The following NALF2 variants were observed in gnomAD, a reference collection of about 807,000 sequenced individuals.
NALF2 encodes the protein NALCN channel auxiliary factor 2, also known as bB57D9.1 (TED protein).
NALF2 carries 1 observed loss-of-function variant against 24.8 expected under a neutral mutation model. The ratio of observed to expected loss-of-function variants is 0.04; its 90% CI spans 0.01 to 0.19. The LOEUF (loss-of-function observed/expected upper bound fraction) is 0.19. NALF2 is among the 10% of genes least tolerant of loss of function. The pLI, the probability that NALF2 is intolerant of heterozygous loss-of-function variation, is 1.00. For synonymous variants in NALF2, 254 were observed against 189.8 expected (o/e 1.34, Z -2.78); for missense variants, 458 against 409.6 (o/e 1.12, Z -1.02).
intron 1 of NALF2, among the ~76,000 whole-genome samples, chrX:69,525,817 A>C (rs1930799533): frequency 2.0e-5 from 2 of 100,558 alleles, no homozygotes; most frequent in Admixed American, 2.2e-4. Flanking sequence ...ACCATTCCTT[A>C]CCCTCTCTTT....
In NALF2 at chrX:69,529,919, T is replaced by C. The variant is rs767549073; in HGVS notation, c.1382T>C (p.Leu461Pro). 2 of 1,207,030 alleles carry C rather than the reference T, an allele frequency of 1.7e-6. No individual in the cohort carries two copies. The highest frequency in any genetic ancestry group is 2.2e-5 in the Admixed American group (1 of 45,723). ...QGGGGLGLET[L>P]PALEEGLTRE... ...GGTGGGGGATTGGGGCTGGAGACAC[T>C]GCCTGCCCTAGAGGAGGGCCTGACA... The change falls in exon 3 of 3, where the codon CTG becomes CCG. Residue 461 changes from leucine to proline, a missense_variant. By Grantham distance (98) the Leu-to-Pro change is moderately conservative. Transcript: ENST00000252338.
rs1315455226 is a variant in NALF2, at chrX:69,530,789, G to A, written c.*833G>A. The A allele has an allele frequency of 1.8e-5, 2 of 112,651 alleles. No homozygotes were observed. The highest frequency in any genetic ancestry group is 6.5e-5 in the African/African-American group (2 of 30,852). 9.3% of individuals were successfully genotyped at this position (112,651 alleles called of 1,213,427 possible). On this transcript the variant is annotated 3_prime_UTR_variant, in exon 3 of 3. Coordinates refer to ENST00000252338, the MANE Select transcript of NALF2 (RefSeq NM_015686.3). ...GCATTAGGAGCCCTCTGGGGAAAGA[G>A]CACAGGAACTGAGTTGCTGGGCCTC...
chrX:69,506,919 G>A (rs1294225687), intron 1 of NALF2, among the ~76,000 whole-genome samples: 1 of 112,557 alleles, frequency 8.9e-6, no homozygotes, highest in Non-Finnish European at 1.9e-5. Context: ...GTATCCAGAG[G>A]AGAGGTGAGG....
chrX:69,529,123 A>C lies in NALF2; in HGVS notation c.992A>C (p.Glu331Ala). 1 of 1,210,534 alleles carries C rather than the reference A, an allele frequency of 8.3e-7. No homozygotes were observed. Among genetic ancestry groups the C allele is most frequent in the Non-Finnish European group, 1.1e-6 (1 of 894,964 alleles). ...TGCCCCTTTATACTCCCCGACAATG[A>C]GGAAATGGTGTACGGAGGGCTCCCT... Reference protein sequence around the residue: ...TRCPFILPDNEEMVYGGLPGF... With the variant: ...TRCPFILPDNAEMVYGGLPGF... Residue 331 changes from glutamate to alanine, a missense_variant, in exon 2 of 3, where the codon GAG becomes GCG. Physicochemically the swap from Glu to Ala is moderately radical, Grantham distance 107 (BLOSUM62 -1). Transcript: ENST00000252338.
At chrX:69,528,903 T>C in intron 1 of NALF2, 90 bp from the exon 2 acceptor site, 1 of 1,016,462 alleles carries the variant, frequency 9.8e-7, no homozygotes. Flanking sequence ...TGAGGCCCCC[T>C]TGAGAGACCA....
rs189229488 is a variant in NALF2 at position 69,512,361 on chromosome X, G to A, written c.861+6218G>A. Among the ~76,000 whole-genome samples the A allele has an allele frequency of 2.4e-3, 268 of 111,768 alleles. 3 individuals are homozygous for A. The highest frequency in any genetic ancestry group is 5.5e-4 in the Non-Finnish European group (29 of 53,152). On this transcript the variant is annotated intron_variant, in intron 1 of 2. Transcript: ENST00000252338. ...TAGCCAGATAGGTGCTTAGAGGGGAGGGCAAGGGCACCAGGCGAGCTGCAG... is the reference window on the plus strand; with the variant it reads ...TAGCCAGATAGGTGCTTAGAGGGGAAGGCAAGGGCACCAGGCGAGCTGCAG...
At chrX:69,510,665 C>T (rs1028178768) in intron 1 of NALF2, among the ~76,000 whole-genome samples, 1 of 111,673 alleles carries the variant, frequency 9.0e-6, no homozygotes, top group African/African-American at 3.3e-5. Flanking sequence ...AACAGCCTCC[C>T]GGGAGCCATG....
rs768306983 is a variant in NALF2, at chrX:69,529,059, G to T, written c.928G>T (p.Val310Leu). ...GACCCAGCAGGAATGCCAGCGCTGG[G>T]TGCCCTGCAAGCAATACTGCCTGGA... Reference protein sequence around the residue: ...SVTQQECQRWVPCKQYCLEVQ... With the variant: ...SVTQQECQRWLPCKQYCLEVQ... Residue 310 changes from valine to leucine, a missense_variant, in exon 2 of 3, where the codon GTG (valine) becomes TTG (leucine). Physicochemically the swap from Val to Leu is conservative, Grantham distance 32. Transcript: ENST00000252338. The T allele has an allele frequency of 1.7e-6, 2 of 1,211,117 alleles. No homozygotes were observed. The highest frequency in any genetic ancestry group is 5.9e-5 in the East Asian group (2 of 33,813).
At chrX:69,518,089 G>T (rs1336694271) in intron 1 of NALF2, among the ~76,000 whole-genome samples, 1 of 112,012 alleles carries the variant, frequency 8.9e-6, no homozygotes, top group East Asian at 2.8e-4. Context: ...AGAAGCTCCC[G>T]AAGCTCCCAA....
chrX:69,514,014 G>A (rs748414328), intron 1 of NALF2, among the ~76,000 whole-genome samples: 1 of 110,471 alleles, frequency 9.1e-6, no homozygotes, highest in Non-Finnish European at 1.9e-5. Context: ...CCAACATGGC[G>A]AAACCCCAGC....
intron 1 of NALF2, among the ~76,000 whole-genome samples, chrX:69,525,360 C>T (rs1424509086): frequency 9.0e-6 from 1 of 111,584 alleles, no homozygotes; most frequent in Non-Finnish European, 1.9e-5. Flanking sequence ...GTCCAGGCTA[C>T]AGACATTGAG....
chrX:69,506,098 A>G lies in NALF2; in HGVS notation c.816A>G (p.Leu272=). The G allele has an allele frequency of 8.3e-7, 1 of 1,208,800 alleles. No individual in the cohort carries two copies. Among genetic ancestry groups the G allele is most frequent in the Non-Finnish European group, 1.1e-6 (1 of 893,909 alleles). The part of the protein sequence containing the change: ...DEFDLVLHKY[L]QAEEYSIRSC... ...TCGACCTCGTGCTGCATAAATACTT[A>G]CAGGCGGAAGAGTACTCAATCCGGT... The change falls in exon 1 of 3, where the codon TTA becomes TTG. Residue 272 remains leucine, a synonymous_variant. Coordinates refer to ENST00000252338, the MANE Select transcript of NALF2 (RefSeq NM_015686.3).
rs1355795863 is a variant in NALF2 at position 69,505,219 on chromosome X, C to T, written c.-64C>T. ...GAGCGCAGAGCGGCGCGCAGCCCGC[C>T]CGCCCCAGACGGCCGTCTGGCCTCG... is the stretch of plus-strand genomic sequence containing the variant. On this transcript the variant is annotated 5_prime_UTR_variant, in exon 1 of 3. Transcript: ENST00000252338. The T allele has an allele frequency of 3.8e-6, 4 of 1,055,893 alleles. No individual in the cohort carries two copies. The highest frequency in any genetic ancestry group is 2.0e-5 in the African/African-American group (1 of 49,480). 87.0% of individuals were successfully genotyped at this position (1,055,893 alleles called of 1,213,427 possible). A position where few individuals can be genotyped will look rare whatever the true frequency, so the allele number is the denominator to read the frequency against.
At chrX:69,525,247 C>G (rs1930789587) in intron 1 of NALF2, among the ~76,000 whole-genome samples, 1 of 111,659 alleles carries the variant, frequency 9.0e-6, no homozygotes, top group South Asian at 3.8e-4. Context: ...ACTAGAAGAG[C>G]CCAGAGAGAA....
chrX:69,522,518 A>T, intron 1 of NALF2, among the ~76,000 whole-genome samples: 1 of 111,899 alleles, frequency 8.9e-6, no homozygotes, highest in East Asian at 2.8e-4. Flanking sequence ...AGGCCATGCC[A>T]CTTTGACTCA....
chrX:69,504,768 G>A lies in NALF2; in HGVS notation c.-515G>A, dbSNP rs1301467136. ...GGCGTGGAGCGGGCAGCGGGCGGAC[G>A]GGCGGGAGCGGAGCGGCGCGGGGCG... On this transcript the variant is annotated 5_prime_UTR_variant, in exon 1 of 3. Transcript: ENST00000252338. Among the ~76,000 whole-genome samples the A allele has an allele frequency of 9.2e-6, 1 of 109,270 alleles. No individual in the cohort carries two copies. Among genetic ancestry groups the A allele is most frequent in the African/African-American group, 3.4e-5 (1 of 29,780 alleles). The allele number at this position is 109,270 out of a possible 115,157, so 94.9% of individuals were successfully genotyped here.
At chrX:69,527,982 G>GTT (rs1457556398) in intron 1 of NALF2, among the ~76,000 whole-genome samples, 2 of 107,064 alleles carry the variant, frequency 1.9e-5, no homozygotes, top group African/African-American at 3.5e-5. Flanking sequence ...ATTTTTTTTG[G>GTT]TTTTTTTTTG....
chrX:69,517,949 G>C (rs1368789230), intron 1 of NALF2, among the ~76,000 whole-genome samples: 2 of 112,622 alleles, frequency 1.8e-5, no homozygotes, highest in Non-Finnish European at 3.8e-5. Flanking sequence ...CTGGGCCTGG[G>C]CCCAGGTATA....
At chrX:69,522,306 G>A (rs1930745594) in intron 1 of NALF2, among the ~76,000 whole-genome samples, 3 of 111,697 alleles carry the variant, frequency 2.7e-5, no homozygotes, top group African/African-American at 9.8e-5. Context: ...TGATTGACAG[G>A]GATTATCTAG....
Sources: gnomAD v4.1 joint callset for allele counts (sites outside exome capture counted in the v4.1 genomes callset) on GRCh38, gnomAD v4.1.1 for gene constraint, MANE v1.5 for transcripts, NCBI Gene and HGNC (gene_info 2026-07-23, HGNC 2026-07-21) for gene names.